The following PRR16 variants were observed in gnomAD, a reference collection of about 807,000 sequenced individuals.
The protein encoded by PRR16 is proline rich 16.
A neutral mutation model predicts 18.2 loss-of-function variants in PRR16; 6 were observed. The ratio of observed to expected loss-of-function variants is 0.33; its 90% CI spans 0.18 to 0.65. The LOEUF is 0.65. Among genes scored for constraint, PRR16 ranks in the 30% least tolerant of loss-of-function variants. The probability of loss-of-function intolerance (pLI) is 0.74; values close to 1 mark genes in which losing one functional copy is unlikely to be tolerated. For synonymous variants in PRR16, 151 were observed against 147.8 expected, an observed-to-expected ratio of 1.02 and a Z score of -0.16; for missense variants, 412 against 376.6, an observed-to-expected ratio of 1.09 and a Z score of -0.78.
At chr5:120,626,084 G>A (rs988310742) in intron 1 of PRR16, among the ~76,000 whole-genome samples, 1 of 152,070 alleles carries the variant, frequency 6.6e-6, no homozygotes, top group Non-Finnish European at 1.5e-5. Flanking sequence ...CTAAATTTAT[G>A]CTTTGTATAT....
chr5:120,763,919 C>CTT, the PRR16 span, among the ~76,000 whole-genome samples: 1 of 151,984 alleles, frequency 6.6e-6, no homozygotes, highest in African/African-American at 2.4e-5. Context: ...TATCCTGAGA[C>CTT]TTTACTGAAT....
chr5:120,528,727 A>G (rs1172986882), intron 1 of PRR16, among the ~76,000 whole-genome samples: 1 of 152,144 alleles, frequency 6.6e-6, no homozygotes, highest in Non-Finnish European at 1.5e-5. Flanking sequence ...ATGCAAGACC[A>G]TGTTTTACTC....
At chr5:120,625,560 G>C (rs986931787) in intron 1 of PRR16, among the ~76,000 whole-genome samples, 1 of 152,050 alleles carries the variant, frequency 6.6e-6, no homozygotes, top group East Asian at 1.9e-4. Flanking sequence ...CTGGTCTCAA[G>C]CTCCTGGACT....
intron 1 of PRR16, among the ~76,000 whole-genome samples, chr5:120,537,983 A>C (rs1046905235): frequency 6.6e-6 from 1 of 151,588 alleles, no homozygotes; most frequent in South Asian, 2.1e-4. Flanking sequence ...TCACCGTTTT[A>C]GCCGGGATGG....
chr5:120,613,189 C>T (rs576715743), intron 1 of PRR16, among the ~76,000 whole-genome samples: 3 of 152,118 alleles, frequency 2.0e-5, no homozygotes, highest in South Asian at 2.1e-4. Context: ...AGCAATTAAG[C>T]GTGAATTTTA....
At chr5:120,582,223 T>A (rs557669415) in intron 1 of PRR16, among the ~76,000 whole-genome samples, 56 of 152,210 alleles carry the variant, frequency 3.7e-4, no homozygotes, top group African/African-American at 1.3e-3. Context: ...AAATACTGCA[T>A]GTTCTTACTT....
chr5:120,737,618 C>A, the PRR16 span, among the ~76,000 whole-genome samples: 4,909 of 151,062 alleles, frequency 0.032, 211 homozygotes, highest in African/African-American at 0.096. Flanking sequence ...TGGAACTGCT[C>A]CCTCTCTTAG....
chr5:120,475,748 AT>A lies in PRR16; in HGVS notation c.159+11104del, dbSNP rs1749421238. Among the ~76,000 whole-genome samples, 3 of 152,308 alleles carry A rather than the reference AT, an allele frequency of 2.0e-5. 1 individual carries two copies. The highest frequency in any genetic ancestry group is 4.1e-4 in the South Asian group (2 of 4,822). On this transcript the variant is annotated intron_variant, in intron 1 of 1. Coordinates refer to ENST00000407149, the MANE Select transcript of PRR16 (RefSeq NM_001300783.2). ...AAAGACTCTGCCTCAAAAAATAAAA[AT>A]AAACCCAGAAAAATATTTCTTTTAT...
chr5:120,488,717 T>C (rs1749908543), intron 1 of PRR16, among the ~76,000 whole-genome samples: 1 of 152,202 alleles, frequency 6.6e-6, no homozygotes, highest in Non-Finnish European at 1.5e-5. Context: ...CTCTTGCTTC[T>C]CTAGTTCTTT....
chr5:120,612,020 G>A (rs1754352203), intron 1 of PRR16, among the ~76,000 whole-genome samples: 1 of 152,186 alleles, frequency 6.6e-6, no homozygotes, highest in African/African-American at 2.4e-5. Flanking sequence ...GCGTGACCTT[G>A]ATGTGAGATC....
intron 1 of PRR16, among the ~76,000 whole-genome samples, chr5:120,601,617 T>G (rs989573147): frequency 1.3e-5 from 2 of 151,982 alleles, no homozygotes; most frequent in African/African-American, 4.8e-5. Flanking sequence ...GTTTTTGGAT[T>G]CTTTCTCATG....
the PRR16 span, among the ~76,000 whole-genome samples, chr5:120,776,260 A>C: frequency 1.3e-5 from 2 of 152,156 alleles, no homozygotes; most frequent in Admixed American, 6.5e-5. Context: ...AGTCTTTTCC[A>C]GTTCCCCAAA....
downstream of PRR16, among the ~76,000 whole-genome samples, chr5:120,689,987 T>C (rs997833164): frequency 1.3e-5 from 2 of 152,152 alleles, no homozygotes; most frequent in African/African-American, 4.8e-5. Context: ...TTTTTCACTC[T>C]TCTGATTTGA....
Position 120,686,073 on chromosome 5 carries a change from G to T in PRR16, c.279G>T (p.Glu93Asp). The T allele has an allele frequency of 6.2e-7, 1 of 1,614,120 alleles. No individual in the cohort carries two copies. The highest frequency in any genetic ancestry group is 8.5e-7 in the Non-Finnish European group (1 of 1,180,032). The change falls in exon 2 of 2, where the codon GAG becomes GAT. Residue 93 changes from glutamate (E) to aspartate (D), a missense_variant. Transcript: ENST00000407149. ...GTGGCACAACAGCCTCCAGCCTAGA[G>T]AAGATCAAAGTGCAGGCTAATGCAC... ...SSSGTTASSL[E>D]KIKVQANAPL...
chr5:120,765,120 A>ATTGTAAGAAGGAAGAC, the PRR16 span, among the ~76,000 whole-genome samples: 1 of 152,114 alleles, frequency 6.6e-6, no homozygotes, highest in African/African-American at 2.4e-5. Flanking sequence ...AACACCATAA[A>ATTGTAAGAAGGAAGAC]AGAGAACAAA....
At chr5:120,467,002 G>C (rs1480803818) in intron 1 of PRR16, among the ~76,000 whole-genome samples, 2 of 152,088 alleles carry the variant, frequency 1.3e-5, no homozygotes, top group African/African-American at 2.4e-5. Context: ...AAAATATTTT[G>C]AGAACAAAGT....
chr5:120,539,927 G>A (rs1165185347), intron 1 of PRR16, among the ~76,000 whole-genome samples: 2 of 152,000 alleles, frequency 1.3e-5, no homozygotes, highest in African/African-American at 2.4e-5. Flanking sequence ...TATATTATAG[G>A]TTCTTGCTGT....
chr5:120,523,432 G>A (rs1328293125), intron 1 of PRR16, among the ~76,000 whole-genome samples: 2 of 152,086 alleles, frequency 1.3e-5, no homozygotes, highest in Non-Finnish European at 2.9e-5. Flanking sequence ...TTGCAGATAT[G>A]AACTTTGCCA....
intron 1 of PRR16, among the ~76,000 whole-genome samples, chr5:120,516,250 G>A (rs1002047215): frequency 2.6e-5 from 4 of 151,704 alleles, no homozygotes; most frequent in Non-Finnish European, 2.9e-5. Flanking sequence ...ATGGCGAAAC[G>A]CCATCTCTAC....
Sources: gnomAD v4.1 joint callset for allele counts (sites outside exome capture counted in the v4.1 genomes callset) on GRCh38, gnomAD v4.1.1 for gene constraint, MANE v1.5 for transcripts, NCBI Gene and HGNC (gene_info 2026-07-23, HGNC 2026-07-21) for gene names.